KCNJ6: variants seen among roughly 807,000 people sequenced by gnomAD.
The protein encoded by KCNJ6 is potassium inwardly rectifying channel subfamily J member 6, also known as G protein-activated inward rectifier potassium channel 2.
A neutral mutation model predicts 34.2 loss-of-function variants in KCNJ6; 9 were observed. The ratio of observed to expected loss-of-function variants is 0.26; its 90% CI spans 0.16 to 0.46. The LOEUF (loss-of-function observed/expected upper bound fraction) is 0.46, where lower values mean the gene tolerates loss of function less well. KCNJ6 is among the 20% of genes least tolerant of loss of function. KCNJ6 has a pLI of 1.00. For synonymous variants in KCNJ6, 196 were observed against 207.1 expected (o/e 0.95, Z 0.46); for missense variants, 236 against 531.3 (o/e 0.44, Z 5.46).
chr21:37,615,765 T>C lies in KCNJ6; in HGVS notation c.*9394A>G, dbSNP rs2835834. ...TAAAACACTCCCTGTTCTGGACCAA[T>C]CTTAATCTTCTAGGCAGAATTTATT... On this transcript the variant is annotated 3_prime_UTR_variant, in exon 4 of 4. Transcript: ENST00000609713. 61,110 of 152,114 alleles carry C rather than the reference T, an allele frequency of 0.4. 12,448 individuals carry two copies. The highest frequency in any genetic ancestry group is 0.49 in the Admixed American group (7,525 of 15,286). 9.4% of individuals were successfully genotyped at this position (152,114 alleles called of 1,614,324 possible). A position where few individuals can be genotyped will look rare whatever the true frequency, so the allele number is the denominator to read the frequency against.
At chr21:37,746,333 G>A (rs1395619621) in intron 2 of KCNJ6, among the ~76,000 whole-genome samples, 1 of 152,150 alleles carries the variant, frequency 6.6e-6, no homozygotes, top group African/African-American at 2.4e-5. Context: ...ATCCAGATCT[G>A]GGGAACAGAG....
intron 3 of KCNJ6, among the ~76,000 whole-genome samples, chr21:37,674,545 C>T (rs894040138): frequency 2.6e-5 from 4 of 151,596 alleles, no homozygotes; most frequent in African/African-American, 7.3e-5. Context: ...CTCCTTGATG[C>T]TTCTCCAAGC....
In KCNJ6 at chr21:37,610,707, A is replaced by G. The variant is rs955057756; in HGVS notation, c.*14452T>C. ...ACAGAAAGGTAGCTGGAAAATGCCA[A>G]AATACTTGGAGATTAAACAACACAC... On this transcript the variant is annotated 3_prime_UTR_variant, in exon 4 of 4. Transcript: ENST00000609713. The G allele has an allele frequency of 6.6e-6, 1 of 152,088 alleles. No homozygotes were observed. The highest frequency in any genetic ancestry group is 2.4e-5 in the African/African-American group (1 of 41,424). 9.4% of individuals were successfully genotyped at this position (152,088 alleles called of 1,614,324 possible). A position where few individuals can be genotyped will look rare whatever the true frequency, so the allele number is the denominator to read the frequency against.
chr21:37,751,419 C>A (rs533822030), intron 2 of KCNJ6, among the ~76,000 whole-genome samples: 3 of 152,358 alleles, frequency 2.0e-5, no homozygotes, highest in Admixed American at 1.3e-4. Flanking sequence ...CCAGGGAGAG[C>A]AAACGGGAGG....
At chr21:37,648,268 G>GGGCC (rs1297429078) in intron 3 of KCNJ6, among the ~76,000 whole-genome samples, 2 of 152,194 alleles carry the variant, frequency 1.3e-5, no homozygotes, top group Non-Finnish European at 2.9e-5. Context: ...ACAGAGCTGT[G>GGGCC]GGCCGTGGAG....
In KCNJ6 at chr21:37,695,923, G is replaced by A. The variant is rs1601423528; in HGVS notation, c.946+18288C>T. On this transcript the variant is annotated intron_variant, in intron 3 of 3. Transcript: ENST00000609713. This position sits in a 1 kb window ranked among gnomAD's most constrained non-coding sequence, Gnocchi z 4.2. ...CACACAAAATGATTATGTTCAAAGG[G>A]CAAAGAGCCACTAGAAAGGGATCCC... Among the ~76,000 whole-genome samples the A allele has an allele frequency of 2.0e-5, 3 of 152,200 alleles. No homozygotes were observed. Among genetic ancestry groups the A allele is most frequent in the African/African-American group, 7.2e-5 (3 of 41,448 alleles).
chr21:37,849,814 T>C (rs931699066), intron 1 of KCNJ6, among the ~76,000 whole-genome samples: 23 of 152,212 alleles, frequency 1.5e-4, no homozygotes, highest in African/African-American at 5.5e-4. Context: ...TTGTCATTCT[T>C]GGAGCCATGA....
At chr21:37,841,907 A>T (rs1255835776) in intron 1 of KCNJ6, among the ~76,000 whole-genome samples, 2 of 152,190 alleles carry the variant, frequency 1.3e-5, no homozygotes, top group African/African-American at 2.4e-5. Flanking sequence ...TGTGCAAGTT[A>T]TTTTCTGAGG....
chr21:37,741,361 ATG>A (rs966228384), intron 2 of KCNJ6, among the ~76,000 whole-genome samples: 1 of 152,108 alleles, frequency 6.6e-6, no homozygotes, highest in African/African-American at 2.4e-5. Flanking sequence ...GGCTTGGCTC[ATG>A]AGAGGTTCTG....
intron 2 of KCNJ6, among the ~76,000 whole-genome samples, chr21:37,779,509 C>A: frequency 6.6e-6 from 1 of 152,154 alleles, no homozygotes; most frequent in East Asian, 1.9e-4. Context: ...CCATAGACCC[C>A]ATTGCACTTC....
At chr21:37,766,613 G>A (rs372794010) in intron 2 of KCNJ6, among the ~76,000 whole-genome samples, 2 of 152,220 alleles carry the variant, frequency 1.3e-5, no homozygotes, top group Non-Finnish European at 2.9e-5. Flanking sequence ...GGAAGCACAT[G>A]GTGGTGATTG....
chr21:37,849,781 T>G (rs1262689709), intron 1 of KCNJ6, among the ~76,000 whole-genome samples: 1 of 152,244 alleles, frequency 6.6e-6, no homozygotes, highest in East Asian at 1.9e-4. Flanking sequence ...CCTTAGCAAC[T>G]GTACATACTG....
rs1291547889 is a variant in KCNJ6, at chr21:37,624,889, T to C, written c.*270A>G. On this transcript the variant is annotated 3_prime_UTR_variant, in exon 4 of 4. Transcript: ENST00000609713. ...GTAAGTAACTGAAATCTCCAGGAGT[T>C]GGATGTGTAGTATTTTGGGAGGAGA... is the stretch of plus-strand genomic sequence containing the variant. 1.8e-5 allele frequency: 9 copies of C among 487,692 alleles called. No homozygotes were observed. The highest frequency in any genetic ancestry group is 3.3e-5 in the Non-Finnish European group (9 of 274,770). The allele number at this position is 487,692 out of a possible 1,614,324, so 30.2% of individuals were successfully genotyped here.
At chr21:37,778,599 C>T (rs2055153764) in intron 2 of KCNJ6, among the ~76,000 whole-genome samples, 1 of 152,172 alleles carries the variant, frequency 6.6e-6, no homozygotes, top group Non-Finnish European at 1.5e-5. Flanking sequence ...TGGGAAACTA[C>T]TCTGGATGTG....
intron 2 of KCNJ6, among the ~76,000 whole-genome samples, chr21:37,831,175 A>G (rs1279422201): frequency 1.3e-5 from 2 of 152,204 alleles, no homozygotes; most frequent in Non-Finnish European, 2.9e-5. Flanking sequence ...CCAGGAAGCA[A>G]TTATCCTTGA....
chr21:37,646,229 A>G (rs1203996653), intron 3 of KCNJ6, among the ~76,000 whole-genome samples: 1 of 152,298 alleles, frequency 6.6e-6, no homozygotes, highest in African/African-American at 2.4e-5. Context: ...TTTTTTATAT[A>G]TATTTCATAA....
Position 37,622,726 on chromosome 21 carries a change from T to A in KCNJ6, c.*2433A>T, listed in dbSNP as rs2054293923. 1 of 152,232 alleles carries A rather than the reference T, an allele frequency of 6.6e-6. No individual in the cohort carries two copies. 9.4% of individuals were successfully genotyped at this position (152,232 alleles called of 1,614,324 possible). A position where few individuals can be genotyped will look rare whatever the true frequency, so the allele number is the denominator to read the frequency against. ...GTGTTGTCAAGGCTCTTCGTTCAGT[T>A]GTGCTAAAGGGCAGGCAAGCAGGGA... On this transcript the variant is annotated 3_prime_UTR_variant, in exon 4 of 4. Transcript: ENST00000609713.
chr21:37,649,157 A>AAAAAC (rs755535850), intron 3 of KCNJ6, among the ~76,000 whole-genome samples: 11,104 of 133,278 alleles, frequency 0.083, 1,165 homozygotes, highest in East Asian at 0.19. Context: ...AAAAAAAAGA[A>AAAAAC]AGAAAAAGAA....
chr21:37,709,429 G>A (rs2054738531), intron 3 of KCNJ6, among the ~76,000 whole-genome samples: 1 of 152,014 alleles, frequency 6.6e-6, no homozygotes, highest in South Asian at 2.1e-4. Context: ...CAGGAGAATC[G>A]TTTGAACCCA....
Sources: allele counts gnomAD v4.1 joint callset (sites outside exome capture counted in the v4.1 genomes callset), GRCh38; gene constraint gnomAD v4.1.1; non-coding constraint Gnocchi (gnomAD v3.1); transcripts MANE v1.5; gene names NCBI Gene and HGNC (gene_info 2026-07-23, HGNC 2026-07-21).